Variants in SHOX observed in about 807,000 individuals in gnomAD.
The protein encoded by SHOX is short stature homeobox protein.
In SHOX, 12 loss-of-function variants were observed where a neutral mutation model predicts 29.6. That is an observed-to-expected ratio of 0.41 (90% CI 0.26 to 0.66). The LOEUF is 0.66. Among genes scored for constraint, SHOX ranks in the 30% least tolerant of loss-of-function variants. The pLI is 0.35. For synonymous variants in SHOX, 214 were observed against 200.6 expected (o/e 1.07, Z -0.57); for missense variants, 499 against 437.7 (o/e 1.14, Z -1.25).
rs1287818475 is a variant in SHOX, at chrX:651,321, A to G, written c.*6685A>G. On this transcript the variant is annotated 3_prime_UTR_variant, in exon 5 of 5. Transcript: ENST00000686671. ...TGCTTCAGATGAAAACAAATCACAC[A>G]CCGTTTCCCAAACCAACAGTCTTCA... The G allele has an allele frequency of 4.4e-6, 2 of 455,682 alleles. No homozygotes were observed. The highest frequency in any genetic ancestry group is 4.0e-5 in the African/African-American group (2 of 49,972). 28.2% of individuals were successfully genotyped at this position (455,682 alleles called of 1,614,324 possible).
chrX:633,225 C>T (rs1458588495), intron 1 of SHOX, among the ~76,000 whole-genome samples: 3 of 152,038 alleles, frequency 2.0e-5, no homozygotes, highest in African/African-American at 7.2e-5. Context: ...CAGCGTGTCC[C>T]CGCCGAGCCT....
At chrX:630,365 G>A (rs1354251710), upstream of SHOX, 2 of 158,350 alleles carry the variant, frequency 1.3e-5, no homozygotes, top group Non-Finnish European at 2.8e-5. Flanking sequence ...AAAGATCCAG[G>A]CGCCGGGCTC....
rs1408521643 is a variant in SHOX, at chrX:650,303, G to C, written c.*5667G>C. Among the ~76,000 whole-genome samples, 4 of 151,706 alleles carry C rather than the reference G, an allele frequency of 2.6e-5. No homozygotes were observed. The highest frequency in any genetic ancestry group is 9.7e-5 in the African/African-American group (4 of 41,288). On this transcript the variant is annotated 3_prime_UTR_variant, in exon 5 of 5. Transcript: ENST00000686671. ...AAGGAGGCCTTTGGGCCGCTCCAAA[G>C]ACGCCCTGTCGTAGGAATGGCCTCT...
chrX:634,904 C>A, intron 2 of SHOX, 78 bp downstream of exon 2: 1 of 1,447,658 alleles, frequency 6.9e-7, no homozygotes, highest in Non-Finnish European at 9.3e-7. Context: ...CGTACAGCCA[C>A]CTGCGCCCGG....
At chrX:628,691 G>C (rs377686923), upstream of SHOX, among the ~76,000 whole-genome samples, 182 of 5,628 alleles carry the variant, frequency 0.032, 48 homozygotes, top group African/African-American at 0.23. Flanking sequence ...ATCTGTCTGT[G>C]TCTCTCTTTC....
chrX:639,064 G>C (rs981699255), intron 2 of SHOX, among the ~76,000 whole-genome samples: 1 of 152,222 alleles, frequency 6.6e-6, no homozygotes, highest in Non-Finnish European at 1.5e-5. Flanking sequence ...TCTGTCTGTG[G>C]AGGAGGGGAT....
chrX:645,024 C>G lies in SHOX; in HGVS notation c.*388C>G. On this transcript the variant is annotated 3_prime_UTR_variant, in exon 5 of 5. Transcript: ENST00000686671. The stretch of plus-strand genomic sequence containing the variant: ...TAGAGTCTATTGAAACTGCAAAGAT[C>G]CCGGAGCTGGTCTCCGATGAAAATG... The G allele has an allele frequency of 4.8e-6, 1 of 206,424 alleles. No individual in the cohort carries two copies. The allele number at this position is 206,424 out of a possible 1,614,324, so 12.8% of individuals were successfully genotyped here.
In SHOX at chrX:651,410, C is replaced by CAAAAA. The variant is rs749433675; in HGVS notation, c.*6775_*6776insAAAAA. The CAAAAA allele has an allele frequency of 9.7e-6, 4 of 412,240 alleles. No homozygotes were observed. The highest frequency in any genetic ancestry group is 5.0e-5 in the South Asian group (3 of 60,416). 25.5% of individuals were successfully genotyped at this position (412,240 alleles called of 1,614,324 possible). A position where few individuals can be genotyped will look rare whatever the true frequency, so the allele number is the denominator to read the frequency against. ...GGTAGAAAAAAAACAAACAAACAAA[C>CAAAAA]AGAAAAAAAAACCAAAAAAAACCAC... On this transcript the variant is annotated 3_prime_UTR_variant, in exon 5 of 5. Transcript: ENST00000686671.
chrX:630,763 T>C (rs1273755135), upstream of SHOX: 9 of 1,147,988 alleles, frequency 7.8e-6, no homozygotes, highest in Admixed American at 1.3e-4. Flanking sequence ...TCGCCGCGTA[T>C]AAATAGTGAG....
rs2053037237 is a variant in SHOX, at chrX:650,431, T to C, written c.*5795T>C. Among the ~76,000 whole-genome samples the C allele has an allele frequency of 6.6e-6, 1 of 152,084 alleles. No homozygotes were observed. Among genetic ancestry groups the C allele is most frequent in the African/African-American group, 2.4e-5 (1 of 41,426 alleles). On this transcript the variant is annotated 3_prime_UTR_variant, in exon 5 of 5. Coordinates refer to ENST00000686671, the MANE Select transcript of SHOX (RefSeq NM_000451.4). ...TGCTGTCCTTGGCCACGTCAGCACG[T>C]GGGAGCATCTGTGGATACCGCAGAG... is the stretch of plus-strand genomic sequence containing the variant.
chrX:655,308 C>T (rs370588868), downstream of SHOX, among the ~76,000 whole-genome samples: 3 of 151,546 alleles, frequency 2.0e-5, no homozygotes, highest in Non-Finnish European at 4.4e-5. Context: ...GGGATTTCAC[C>T]GTGTTAGCCA....
In SHOX at chrX:645,388, G is replaced by GTTTTTTTTTTTTTTTTTTTTTTTTTTT. The variant is rs1398738646; in HGVS notation, c.*753_*754insTTTTTTTTTTTTTTTTTTTTTTTTTTT. The GTTTTTTTTTTTTTTTTTTTTTTTTTTT allele has an allele frequency of 1.3e-5, 1 of 77,748 alleles. No homozygotes were observed. Among genetic ancestry groups the GTTTTTTTTTTTTTTTTTTTTTTTTTTT allele is most frequent in the African/African-American group, 4.1e-5 (1 of 24,340 alleles). 4.8% of individuals were successfully genotyped at this position (77,748 alleles called of 1,614,324 possible). On this transcript the variant is annotated 3_prime_UTR_variant, in exon 5 of 5. Coordinates refer to ENST00000686671, the MANE Select transcript of SHOX (RefSeq NM_000451.4). ...TTGGGTCTGGTTTTGTTTTGGATTG[G>GTTTTTTTTTTTTTTTTTTTTTTTTTTT]TATTTTTTTTTTTTTTTTTTTTTTT... is the stretch of plus-strand genomic sequence containing the variant.
intron 2 of SHOX, among the ~76,000 whole-genome samples, chrX:636,073 G>C (rs1207865648): frequency 6.6e-6 from 1 of 151,724 alleles, no homozygotes; most frequent in Non-Finnish European, 1.5e-5. Context: ...TTGCTGAGCA[G>C]AGGAAGATAC....
chrX:643,501 G>A lies in SHOX; in HGVS notation c.634-890G>A, dbSNP rs745375424. ...CTGGGGAGAGCCTTGGGGACCTGGT[G>A]ACCTTGGAGAGGCTTGGGGACCTGG... On this transcript the variant is annotated intron_variant, in intron 4 of 4. Coordinates refer to ENST00000686671, the MANE Select transcript of SHOX (RefSeq NM_000451.4). Among the ~76,000 whole-genome samples the A allele has an allele frequency of 1.4e-4, 20 of 143,934 alleles. No homozygotes were observed. In the South Asian group the frequency reaches 4.4e-3, roughly 32 times the overall value. 94.4% of individuals were successfully genotyped at this position (143,934 alleles called of 152,430 possible). A position where few individuals can be genotyped will look rare whatever the true frequency, so the allele number is the denominator to read the frequency against.
chrX:655,636 A>AG (rs2053136410), downstream of SHOX, among the ~76,000 whole-genome samples: 1 of 104,758 alleles, frequency 9.5e-6, no homozygotes, highest in Non-Finnish European at 2.0e-5. Flanking sequence ...ATATATATAT[A>AG]TATATATATA....
At chrX:631,461 C>T (rs962494761) in intron 1 of SHOX, among the ~76,000 whole-genome samples, 3 of 152,054 alleles carry the variant, frequency 2.0e-5, no homozygotes, top group East Asian at 1.9e-4. Context: ...GGGGTGGATC[C>T]GGGTGGCTGT....
At chrX:657,355 G>C (rs775687241) in intron 5 of SHOX, among the ~76,000 whole-genome samples, 1 of 152,262 alleles carries the variant, frequency 6.6e-6, no homozygotes, top group East Asian at 1.9e-4. Flanking sequence ...CTCTGCATGG[G>C]GTCTGTCTGG....
At chrX:654,356 TA>T (rs896731418), downstream of SHOX, among the ~76,000 whole-genome samples, 6 of 151,198 alleles carry the variant, frequency 4.0e-5, no homozygotes, top group South Asian at 6.3e-4. Flanking sequence ...ATAAAAAAAT[TA>T]AAAAAAAATT....
intron 1 of SHOX, 93 bp from the exon 2 acceptor site, chrX:634,525 G>A: frequency 1.5e-6 from 2 of 1,366,008 alleles, no homozygotes; most frequent in Non-Finnish European, 2.1e-6. Context: ...GGTTTTCGAG[G>A]GCCCCCTTTC....
Sources: allele counts gnomAD v4.1 joint callset (sites outside exome capture counted in the v4.1 genomes callset), GRCh38; gene constraint gnomAD v4.1.1; transcripts MANE v1.5; gene names NCBI Gene and HGNC (gene_info 2026-07-23, HGNC 2026-07-21).